The following HCN2 variants were observed in gnomAD, a reference collection of about 807,000 sequenced individuals.
HCN2 encodes the protein potassium/sodium hyperpolarization-activated cyclic nucleotide-gated channel 2.
Under a neutral mutation model 52.3 loss-of-function variants are expected in HCN2, and 20 were observed. The observed-to-expected ratio is 0.38, with a 90% CI of 0.27 to 0.56. The LOEUF is 0.56. HCN2 is among the 20% of genes least tolerant of loss of function. HCN2 has a pLI of 0.71. For synonymous variants in HCN2, 694 were observed against 537.0 expected (o/e 1.29, Z -4.04); for missense variants, 981 against 1,207.7 (o/e 0.81, Z 2.78).
intron 7 of HCN2, 117 bp downstream of exon 7, chr19:614,133 G>A (rs764924024): frequency 2.6e-5 from 18 of 699,250 alleles, no homozygotes; most frequent in Non-Finnish European, 3.6e-5. Flanking sequence ...GTGGCATCAG[G>A]GGCACGGTTG....
Position 592,955 on chromosome 19 carries a change from A to G in HCN2, c.632+2378A>G, listed in dbSNP as rs1025431883. Among the ~76,000 whole-genome samples the G allele has an allele frequency of 2.0e-5, 3 of 152,020 alleles. No individual in the cohort carries two copies. In the South Asian group the frequency reaches 6.2e-4, roughly 31 times the overall value. ...GGGCCCCTCTGCCTCAGTTTCCCCA[A>G]TTGCACGGTGGGGATGGTATGAGGG... On this transcript the variant is annotated intron_variant, in intron 1 of 7. Coordinates refer to ENST00000251287, the MANE Select transcript of HCN2 (RefSeq NM_001194.4). The surrounding 1 kb of genome is among the most constrained non-coding windows in gnomAD (Gnocchi z 4.8).
intron 1 of HCN2, among the ~76,000 whole-genome samples, chr19:598,276 T>G (rs1983098493): frequency 6.6e-6 from 1 of 151,816 alleles, no homozygotes; most frequent in East Asian, 1.9e-4. Flanking sequence ...TTCAAGCTTG[T>G]GAGGGGACCC....
chr19:612,801 C>T (rs1249713660), intron 5 of HCN2, among the ~76,000 whole-genome samples: 3 of 149,426 alleles, frequency 2.0e-5, no homozygotes, highest in South Asian at 2.1e-4. Context: ...GTGGGGATCA[C>T]GGCTCACTGC....
At chr19:606,046 G>A (rs1041252487) in intron 3 of HCN2, among the ~76,000 whole-genome samples, 31 of 152,282 alleles carry the variant, frequency 2.0e-4, no homozygotes, top group East Asian at 5.8e-4. Context: ...TCTGCTTAGC[G>A]CGTTTTCCAA....
chr19:605,990 T>G (rs2144520468), intron 3 of HCN2, among the ~76,000 whole-genome samples: 1 of 152,316 alleles, frequency 6.6e-6, no homozygotes, highest in East Asian at 1.9e-4. Context: ...GGATCATCCG[T>G]GGAGAGAAGC....
chr19:603,786 T>C lies in HCN2; in HGVS notation c.875T>C (p.Val292Ala). ...IKKKYLRTWF[V>A]VDFVSSIPVD... ...AAGAAGTATCTGCGCACGTGGTTCG[T>C]GGTGGACTTCGTGTCCTCCATCCCC... Residue 292 changes from valine (V) to alanine (A), a missense_variant, in exon 2 of 8, where the codon GTG becomes GCG. This residue lies in a region of HCN2 where 282 missense variants were observed against 553.8 expected (regional missense o/e 0.51). Coordinates refer to ENST00000251287, the MANE Select transcript of HCN2 (RefSeq NM_001194.4). 1 of 1,612,770 alleles carries C rather than the reference T, an allele frequency of 6.2e-7. No homozygotes were observed. Among genetic ancestry groups the C allele is most frequent in the African/African-American group, 1.3e-5 (1 of 74,962 alleles).
chr19:607,921 CG>C, intron 3 of HCN2, 42 bp from the exon 4 acceptor site: 2 of 1,506,734 alleles, frequency 1.3e-6, no homozygotes, highest in Non-Finnish European at 1.8e-6. Flanking sequence ...GCTCCTGGGG[CG>C]TGAGCACCTG....
intron 7 of HCN2, among the ~76,000 whole-genome samples, chr19:614,626 G>A (rs1288153960): frequency 1.3e-5 from 2 of 152,174 alleles, no homozygotes; most frequent in African/African-American, 2.4e-5. Context: ...AGCCAGGGAG[G>A]CCTGGAGGAG....
intron 3 of HCN2, 138 bp from the exon 4 acceptor site, chr19:607,826 T>C: frequency 1.6e-6 from 1 of 640,034 alleles, no homozygotes; most frequent in Admixed American, 2.6e-5. Context: ...TGGGTCTCCA[T>C]TTCTCTTGGT....
rs757878786 is a variant in HCN2 at position 608,046 on chromosome 19, C to T, written c.1301C>T (p.Ala434Val). 9 of 1,612,734 alleles carry T rather than the reference C, an allele frequency of 5.6e-6. No individual in the cohort carries two copies. Among genetic ancestry groups the T allele is most frequent in the African/African-American group, 1.3e-5 (1 of 74,938 alleles). The part of the protein sequence containing the change: ...HMLCIGYGRQ[A>V]PESMTDIWLT... ...CTGTGCATCGGGTACGGCCGGCAGGCGCCCGAGAGCATGACGGACATCTGG... is the reference window on the plus strand; with the variant it reads ...CTGTGCATCGGGTACGGCCGGCAGGTGCCCGAGAGCATGACGGACATCTGG... The change falls in exon 4 of 8, where the codon GCG (alanine) becomes GTG (valine). Residue 434 changes from alanine (A) to valine (V), a missense_variant. Ala to Val is a moderately conservative substitution (Grantham distance 64, BLOSUM62 0). Coordinates refer to ENST00000251287, the MANE Select transcript of HCN2 (RefSeq NM_001194.4).
chr19:614,067 C>T (rs751025334), intron 7 of HCN2, 51 bp downstream of exon 7: 14 of 1,345,126 alleles, frequency 1.0e-5, no homozygotes, highest in South Asian at 4.6e-5. Flanking sequence ...GGGGGAGGGG[C>T]GTGGCCAAGG....
rs896877088 is a variant in HCN2, at chr19:592,141, C to T, written c.632+1564C>T. 7.9e-5 allele frequency among the ~76,000 whole-genome samples: 12 copies of T among 152,324 alleles called. No homozygotes were observed. The highest frequency in any genetic ancestry group is 3.4e-3 in the Middle Eastern group (1 of 294). ...TGGACTTCCAGGGCTGCTGGTCGGC[C>T]TGGCCCCACTTCCAGTCGGGCAGTG... On this transcript the variant is annotated intron_variant, in intron 1 of 7. Transcript: ENST00000251287. This position sits in a 1 kb window ranked among gnomAD's most constrained non-coding sequence, Gnocchi z 4.8.
chr19:596,654 G>T (rs1983039945), intron 1 of HCN2, among the ~76,000 whole-genome samples: 1 of 152,204 alleles, frequency 6.6e-6, no homozygotes, highest in Admixed American at 6.5e-5. Context: ...GTTGGACAAG[G>T]AGGGCACAGG....
chr19:594,312 G>GT (rs1422356495), intron 1 of HCN2, among the ~76,000 whole-genome samples: 1 of 152,200 alleles, frequency 6.6e-6, no homozygotes, highest in Admixed American at 6.5e-5. Flanking sequence ...CACAGGGCAG[G>GT]TGTCGGGTGG....
At chr19:604,121 C>T (rs1983317307) in intron 2 of HCN2, among the ~76,000 whole-genome samples, 154 bp downstream of exon 2, 1 of 115,442 alleles carries the variant, frequency 8.7e-6, no homozygotes, top group African/African-American at 3.8e-5. Context: ...GGGGTCAAGG[C>T]CCCAGGGGTG....
Position 603,890 on chromosome 19 carries a change from C to G in HCN2, c.979C>G (p.Arg327Gly). 1 of 1,612,286 alleles carries G rather than the reference C, an allele frequency of 6.2e-7. No individual in the cohort carries two copies. The highest frequency in any genetic ancestry group is 8.5e-7 in the Non-Finnish European group (1 of 1,179,768). Reference protein sequence around the residue: ...YKTARALRIVRFTKILSLLRL... With the variant: ...YKTARALRIVGFTKILSLLRL... ...GACGGCACGCGCCCTGCGCATCGTG[C>G]GCTTCACCAAGATCCTCAGCCTCCT... Residue 327 changes from arginine to glycine, a missense_variant, in exon 2 of 8, where the codon CGC becomes GGC. Arg to Gly is a moderately radical substitution (Grantham distance 125, BLOSUM62 -2). Transcript: ENST00000251287.
intron 4 of HCN2, 63 bp from the exon 5 acceptor site, chr19:610,196 G>A: frequency 1.3e-6 from 2 of 1,562,524 alleles, no homozygotes; most frequent in Non-Finnish European, 1.7e-6. Context: ...GTACAAGCAG[G>A]TGCCCCTGTG....
chr19:614,933 G>A (rs1288096641), intron 7 of HCN2, among the ~76,000 whole-genome samples: 1 of 152,128 alleles, frequency 6.6e-6, no homozygotes, highest in Non-Finnish European at 1.5e-5. Context: ...TGAAACGCAG[G>A]ACAGGTGCGA....
At chr19:597,396 C>T (rs760364377) in intron 1 of HCN2, among the ~76,000 whole-genome samples, 82 of 152,352 alleles carry the variant, frequency 5.4e-4, no homozygotes, top group Non-Finnish European at 9.8e-4. Flanking sequence ...GTCTGTTAAT[C>T]ATCACCTGGA....
Sources: allele counts gnomAD v4.1 joint callset (sites outside exome capture counted in the v4.1 genomes callset), GRCh38; gene constraint gnomAD v4.1.1; regional missense constraint gnomAD v4.1.1; non-coding constraint Gnocchi (gnomAD v3.1); transcripts MANE v1.5; gene names NCBI Gene and HGNC (gene_info 2026-07-23, HGNC 2026-07-21).